The following CDK14 variants were observed in gnomAD, a reference collection of about 807,000 sequenced individuals.
CDK14 encodes the protein cyclin dependent kinase 14, also known as cyclin-dependent kinase 14.
A neutral mutation model predicts 60.7 loss-of-function variants in CDK14; 34 were observed. The observed-to-expected ratio is 0.56, with a 90% CI of 0.43 to 0.75. The LOEUF (loss-of-function observed/expected upper bound fraction) is 0.75. CDK14 is among the 30% of genes least tolerant of loss of function. The probability of loss-of-function intolerance (pLI) is 0.00; values close to 1 mark genes in which losing one functional copy is unlikely to be tolerated. For synonymous variants in CDK14, 197 were observed against 203.7 expected, an observed-to-expected ratio of 0.97 and a Z score of 0.28; for missense variants, 482 against 564.1, an observed-to-expected ratio of 0.85 and a Z score of 1.47.
intron 9 of CDK14, among the ~76,000 whole-genome samples, chr7:90,976,089 T>G (rs1795064368): frequency 6.6e-6 from 1 of 152,162 alleles, no homozygotes; most frequent in Non-Finnish European, 1.5e-5. Flanking sequence ...GGTAGTTCTA[T>G]TTGTAGTTTT....
chr7:91,191,656 G>C (rs1316827758), intron 14 of CDK14, among the ~76,000 whole-genome samples: 3 of 151,902 alleles, frequency 2.0e-5, no homozygotes, highest in African/African-American at 7.3e-5. Context: ...GTGTATGTGA[G>C]TACACTGAGG....
intron 9 of CDK14, among the ~76,000 whole-genome samples, chr7:90,976,002 G>T (rs1411508064): frequency 6.6e-6 from 1 of 152,024 alleles, no homozygotes; most frequent in Non-Finnish European, 1.5e-5. Flanking sequence ...AGTGAACATG[G>T]GGTGCAAATG....
intron 6 of CDK14, among the ~76,000 whole-genome samples, chr7:90,878,441 G>A (rs953707355): frequency 2.6e-5 from 4 of 152,138 alleles, no homozygotes; most frequent in Non-Finnish European, 5.9e-5. Context: ...CAGCATAATA[G>A]TTTGACTTCC....
At position 91,068,797 on chromosome 7, in the gene CDK14, TA is replaced by T. The variant is rs552598007; in HGVS notation, c.1106-10634del. ...ACTTTCCAAATAGAAGCCAGAGTGA[TA>T]CCTTATATTAAAAAAAAAAAAAAAA... On this transcript the variant is annotated intron_variant, in intron 11 of 14. Transcript: ENST00000380050. Among the ~76,000 whole-genome samples the T allele has an allele frequency of 8.5e-5, 10 of 117,170 alleles. No individual in the cohort carries two copies. In the South Asian group the frequency reaches 2.8e-3, roughly 33 times the overall value. 76.9% of individuals were successfully genotyped at this position (117,170 alleles called of 152,430 possible).
chr7:90,765,337 A>C (rs1032877003), intron 4 of CDK14, among the ~76,000 whole-genome samples: 9 of 152,222 alleles, frequency 5.9e-5, no homozygotes, highest in Non-Finnish European at 8.8e-5. Flanking sequence ...TGCCCAAAGC[A>C]GAGCATAAAG....
At chr7:90,632,771 G>A (rs10250948) in intron 2 of CDK14, among the ~76,000 whole-genome samples, 20,243 of 152,048 alleles carry the variant, frequency 0.13, 1,425 homozygotes, top group Middle Eastern at 0.17. Flanking sequence ...TAGAAAATAT[G>A]TTGTCACTAG....
At chr7:91,176,628 T>A (rs1488438200) in intron 14 of CDK14, among the ~76,000 whole-genome samples, 1 of 151,906 alleles carries the variant, frequency 6.6e-6, no homozygotes, top group Non-Finnish European at 1.5e-5. Flanking sequence ...AAAGGGCATA[T>A]CACCACCGAT....
chr7:91,022,646 G>A lies in CDK14; in HGVS notation c.1042-23251G>A, dbSNP rs541566326. ...CGTTACCATTGTTAAGGCTACAGGA[G>A]ATCTCCAGAGATTGCACTGAATTTC... On this transcript the variant is annotated intron_variant, in intron 10 of 14. Transcript: ENST00000380050. Among the ~76,000 whole-genome samples the A allele has an allele frequency of 1.4e-4, 22 of 152,282 alleles. 1 individual carries two copies. Among genetic ancestry groups the A allele is most frequent in the Non-Finnish European group, 2.4e-4 (16 of 68,018 alleles).
At chr7:90,775,625 C>CCCTCTCCCCCTTCCCCTCCCCCTT (rs1804995905) in intron 4 of CDK14, among the ~76,000 whole-genome samples, 1 of 49,544 alleles carries the variant, frequency 2.0e-5, no homozygotes, top group African/African-American at 7.8e-5. Flanking sequence ...ACCTCCTCCT[C>CCCTCTCCCCCTTCCCCTCCCCCTT]CCCCTCCCCC....
At chr7:90,850,254 CT>C (rs1460188498) in intron 5 of CDK14, among the ~76,000 whole-genome samples, 1 of 150,434 alleles carries the variant, frequency 6.6e-6, no homozygotes, top group Non-Finnish European at 1.5e-5. Flanking sequence ...ATGCTAGATA[CT>C]GTGCTCCTTG....
intron 2 of CDK14, among the ~76,000 whole-genome samples, chr7:90,639,144 C>T (rs1240066767): frequency 1.3e-5 from 2 of 152,218 alleles, no homozygotes; most frequent in African/African-American, 4.8e-5. Context: ...CAAAGTCATT[C>T]TCCTTCCAGC....
chr7:90,622,337 T>A (rs1799788591), intron 2 of CDK14, among the ~76,000 whole-genome samples: 1 of 152,206 alleles, frequency 6.6e-6, no homozygotes, highest in Non-Finnish European at 1.5e-5. Flanking sequence ...TAAATGACTG[T>A]CTGTGTGGTA....
At chr7:90,851,173 C>A (rs1790635929) in intron 5 of CDK14, among the ~76,000 whole-genome samples, 1 of 152,062 alleles carries the variant, frequency 6.6e-6, no homozygotes, top group African/African-American at 2.4e-5. Context: ...TGACCAAATT[C>A]TTTTATATTT....
chr7:91,021,074 G>A (rs906105756), intron 10 of CDK14, among the ~76,000 whole-genome samples: 69 of 152,278 alleles, frequency 4.5e-4, no homozygotes, highest in African/African-American at 1.5e-3. Flanking sequence ...CTCCTTCAAA[G>A]CCAGTAAAAG....
chr7:90,830,538 C>CGAA (rs1789881554), intron 5 of CDK14, among the ~76,000 whole-genome samples: 1 of 152,182 alleles, frequency 6.6e-6, no homozygotes, highest in African/African-American at 2.4e-5. Context: ...ATACGTTTTC[C>CGAA]CCATTGTCGT....
intron 4 of CDK14, among the ~76,000 whole-genome samples, chr7:90,772,322 CATT>C (rs1804816808): frequency 1.3e-5 from 2 of 152,190 alleles, no homozygotes; most frequent in South Asian, 4.1e-4. Context: ...AGCCATGAAA[CATT>C]ATGAAAGAAA....
chr7:90,712,093 A>G (rs891985643), intron 2 of CDK14, among the ~76,000 whole-genome samples: 1 of 151,550 alleles, frequency 6.6e-6, no homozygotes, highest in Non-Finnish European at 1.5e-5. Flanking sequence ...TTTGGTAGTT[A>G]TGAAGGAGAT....
At chr7:90,832,625 A>G (rs1789949259) in intron 5 of CDK14, among the ~76,000 whole-genome samples, 1 of 152,206 alleles carries the variant, frequency 6.6e-6, no homozygotes, top group Admixed American at 6.5e-5. Flanking sequence ...GTCAATCAGC[A>G]TGGAAAAAAT....
At chr7:90,631,532 AT>A (rs1225515385) in intron 2 of CDK14, among the ~76,000 whole-genome samples, 2 of 152,154 alleles carry the variant, frequency 1.3e-5, no homozygotes, top group Non-Finnish European at 2.9e-5. Flanking sequence ...TATTGTAAGG[AT>A]TTTTTGACAG....
Sources: gnomAD v4.1 joint callset for allele counts (sites outside exome capture counted in the v4.1 genomes callset) on GRCh38, gnomAD v4.1.1 for gene constraint, MANE v1.5 for transcripts, NCBI Gene and HGNC (gene_info 2026-07-23, HGNC 2026-07-21) for gene names.